Variants in LRP6 observed in about 807,000 individuals in gnomAD.
LRP6 encodes the protein low-density lipoprotein receptor-related protein 6.
LRP6 carries 43 observed loss-of-function variants against 184.1 expected under a neutral mutation model. That is an observed-to-expected ratio of 0.23 (90% CI 0.18 to 0.30). LRP6 has a LOEUF of 0.30. Ranked by LOEUF, LRP6 falls within the 10% of genes least tolerant of loss-of-function variation. The pLI is 1.00. For missense variants in LRP6, 1,571 were observed against 2,005.3 expected (o/e 0.78, Z 4.14); for synonymous variants, 719 against 684.9 (o/e 1.05, Z -0.78).
chr12:12,176,828 C>T (rs534762415), intron 7 of LRP6, among the ~76,000 whole-genome samples: 101 of 146,602 alleles, frequency 6.9e-4, no homozygotes, highest in African/African-American at 2.5e-3. Flanking sequence ...ACATATACAA[C>T]AGTGTGAGCC....
At chr12:12,141,090 TCC>T (rs1437044218) in intron 15 of LRP6, among the ~76,000 whole-genome samples, 1 of 150,114 alleles carries the variant, frequency 6.7e-6, no homozygotes, top group Non-Finnish European at 1.5e-5. Flanking sequence ...ATTGAATGCT[TCC>T]CCCAAGCTCA....
intron 15 of LRP6, among the ~76,000 whole-genome samples, chr12:12,140,292 T>A (rs561927260): frequency 7.9e-5 from 12 of 151,442 alleles, no homozygotes; most frequent in African/African-American, 2.9e-4. Context: ...AAACATGATA[T>A]CCAAAAATTT....
chr12:12,169,853 A>G (rs1408234923), intron 7 of LRP6, among the ~76,000 whole-genome samples: 1 of 152,090 alleles, frequency 6.6e-6, no homozygotes, highest in Admixed American at 6.6e-5. Context: ...TTTATTAAAG[A>G]TTTTTTTAAA....
In LRP6 at chr12:12,196,167, A is replaced by G. The variant is rs60158521; in HGVS notation, c.647+7036T>C. ...CTTTTTGCTCAGGATTGCTTTGGCT[A>G]TTCAGGGTCTTTTATGGTCCCATAC... On this transcript the variant is annotated intron_variant, in intron 3 of 22. Coordinates refer to ENST00000261349, the MANE Select transcript of LRP6 (RefSeq NM_002336.3). 8.3e-3 allele frequency among the ~76,000 whole-genome samples: 1,240 copies of G among 149,100 alleles called. 9 individuals carry two copies. The highest frequency in any genetic ancestry group is 0.029 in the African/African-American group (1,175 of 40,710).
chr12:12,220,758 C>G (rs1278922019), intron 2 of LRP6, among the ~76,000 whole-genome samples: 1 of 151,956 alleles, frequency 6.6e-6, no homozygotes, highest in Non-Finnish European at 1.5e-5. Flanking sequence ...GCCACCACAC[C>G]CGGTTAATTT....
In LRP6 at chr12:12,116,097, T is replaced by C. The variant is rs1196167325; in HGVS notation, c.*5029A>G. The C allele has an allele frequency of 3.3e-5, 5 of 151,932 alleles. No homozygotes were observed. The highest frequency in any genetic ancestry group is 5.9e-5 in the Non-Finnish European group (4 of 67,948). The allele number at this position is 151,932 out of a possible 1,614,324, so 9.4% of individuals were successfully genotyped here. ...CAATTCAGCTTATTTATTGTAATAA[T>C]CAAAAAAGGGGTTTATACAAGGTAT... On this transcript the variant is annotated 3_prime_UTR_variant, in exon 23 of 23. Coordinates refer to ENST00000261349, the MANE Select transcript of LRP6 (RefSeq NM_002336.3).
intron 12 of LRP6, chr12:12,155,488 A>T: frequency 1.1e-6 from 1 of 880,930 alleles, no homozygotes; most frequent in Non-Finnish European, 1.9e-6. Context: ...GCATTGTTGT[A>T]AACAAAAAAG....
chr12:12,188,837 T>C (rs1296056699), intron 3 of LRP6, among the ~76,000 whole-genome samples: 1 of 152,218 alleles, frequency 6.6e-6, no homozygotes. Flanking sequence ...GCACAGTTTA[T>C]GTTCAATTTT....
chr12:12,196,764 T>TAA (rs367706708), intron 3 of LRP6, among the ~76,000 whole-genome samples: 136 of 152,328 alleles, frequency 8.9e-4, no homozygotes, highest in African/African-American at 3.0e-3. Flanking sequence ...GGCCAGCTGA[T>TAA]ATACAGCCTT....
chr12:12,124,683 A>T, intron 21 of LRP6, 21 bp from the exon 22 acceptor site: 1 of 1,404,222 alleles, frequency 7.1e-7, no homozygotes, highest in South Asian at 1.2e-5. Flanking sequence ...AAAATAATTA[A>T]AATATTAAAA....
chr12:12,181,459 T>A lies in LRP6; in HGVS notation c.977-20A>T, dbSNP rs780309731. The stretch of plus-strand genomic sequence containing the variant: ...TGGCACCTAGAACAACAAAGTGAAA[T>A]GAAGAATACTTTGAAACCCAGAGGT... On this transcript the variant is annotated intron_variant, in intron 5 of 22. Coordinates refer to ENST00000261349, the MANE Select transcript of LRP6 (RefSeq NM_002336.3). 6.9e-6 allele frequency: 7 copies of A among 1,010,626 alleles called. No homozygotes were observed. In the East Asian group the frequency reaches 1.7e-4, roughly 24 times the overall value. 62.6% of individuals were successfully genotyped at this position (1,010,626 alleles called of 1,614,324 possible). A position where few individuals can be genotyped will look rare whatever the true frequency, so the allele number is the denominator to read the frequency against.
At chr12:12,200,930 T>C (rs1271026189) in intron 3 of LRP6, among the ~76,000 whole-genome samples, 1 of 152,222 alleles carries the variant, frequency 6.6e-6, no homozygotes, top group Admixed American at 6.5e-5. Context: ...GGTGCTTTTA[T>C]TTATAAGAGC....
intron 3 of LRP6, among the ~76,000 whole-genome samples, chr12:12,189,292 T>A (rs1863554768): frequency 1.3e-5 from 2 of 152,234 alleles, no homozygotes; most frequent in African/African-American, 4.8e-5. Flanking sequence ...AATGTGAAGA[T>A]TAAATAACAT....
At chr12:12,200,709 A>G (rs1220688052) in intron 3 of LRP6, among the ~76,000 whole-genome samples, 1 of 152,142 alleles carries the variant, frequency 6.6e-6, no homozygotes, top group South Asian at 2.1e-4. Flanking sequence ...TGTAATATAT[A>G]AAGTATTTTA....
At chr12:12,125,254 G>C in intron 21 of LRP6, 42 bp downstream of exon 21, 2 of 1,609,878 alleles carry the variant, frequency 1.2e-6, no homozygotes, top group South Asian at 2.2e-5. Flanking sequence ...AAAAATCTAA[G>C]ATCTTATGTA....
chr12:12,155,309 T>C (rs1950136632), intron 12 of LRP6: 2 of 756,386 alleles, frequency 2.6e-6, no homozygotes, highest in South Asian at 1.3e-5. Context: ...ACGTGTTCTC[T>C]AGGCCTTTTA....
intron 2 of LRP6, among the ~76,000 whole-genome samples, chr12:12,204,876 A>G (rs1338284035): frequency 6.6e-6 from 1 of 151,104 alleles, no homozygotes; most frequent in African/African-American, 2.4e-5. Context: ...CTGAGGCAGG[A>G]GAATCGCTTG....
In LRP6 at chr12:12,124,609, T is replaced by C; in HGVS notation, c.4503A>G (p.Glu1501=). 6.2e-7 allele frequency: 1 copy of C among 1,613,918 alleles called. No homozygotes were observed. Among genetic ancestry groups the C allele is most frequent in the Non-Finnish European group, 8.5e-7 (1 of 1,179,806 alleles). Residue 1501 remains glutamate (E), a synonymous_variant, in exon 22 of 23, where the codon GAA becomes GAG. Transcript: ENST00000261349. ...AAGGACTGTTTGAAGAATATCCAAA[T>C]TCCATAGTGTAATGTGATCGCTCTG... ...PATERSHYTM[E]FGYSSNSPST... is the part of the protein sequence containing the mutation.
chr12:12,131,875 G>T lies in LRP6; in HGVS notation c.3916C>A (p.Arg1306=). 3.1e-6 allele frequency: 5 copies of T among 1,614,140 alleles called. No homozygotes were observed. Among genetic ancestry groups the T allele is most frequent in the Non-Finnish European group, 4.2e-6 (5 of 1,180,020 alleles). ...TGGCAGTTTGCATCTCCATTGCATC[G>T]GAGGGCACCATCAATACACTGCCCA... ...ASGQCIDGAL[R]CNGDANCQDK... The change falls in exon 18 of 23, where the codon CGA becomes AGA. Residue 1306 remains arginine, a synonymous_variant. Transcript: ENST00000261349.
Sources: allele counts gnomAD v4.1 joint callset (sites outside exome capture counted in the v4.1 genomes callset), GRCh38; gene constraint gnomAD v4.1.1; transcripts MANE v1.5; gene names NCBI Gene and HGNC (gene_info 2026-07-23, HGNC 2026-07-21).